The following LIMA1 variants were observed in gnomAD, a reference collection of about 807,000 sequenced individuals.
LIMA1 encodes LIM domain and actin-binding protein 1.
A neutral mutation model predicts 62.6 loss-of-function variants in LIMA1; 52 were observed. That is an observed-to-expected ratio of 0.83 (90% CI 0.67 to 1.05). The LOEUF (loss-of-function observed/expected upper bound fraction) is 1.05. LIMA1 is among the 50% of genes least tolerant of loss of function. The probability of loss-of-function intolerance (pLI) is 0.00; values close to 1 mark genes in which losing one functional copy is unlikely to be tolerated. For missense variants in LIMA1, 780 were observed against 902.2 expected (o/e 0.86, Z 1.74); for synonymous variants, 302 against 317.8 (o/e 0.95, Z 0.53).
Position 50,253,771 on chromosome 12 carries a change from A to G in LIMA1, c.-23-4997T>C, listed in dbSNP as rs540105935. The stretch of plus-strand genomic sequence containing the variant: ...GCCAGCATGGTGGCTCACGCCTGTA[A>G]TCCCAGCACTTTGGGAGGCTGAGGC... On this transcript the variant is annotated intron_variant, in intron 1 of 10. Coordinates refer to ENST00000341247, the MANE Select transcript of LIMA1 (RefSeq NM_016357.5). 2.6e-5 allele frequency among the ~76,000 whole-genome samples: 4 copies of G among 152,326 alleles called. No homozygotes were observed. The East Asian group carries it at 7.7e-4, about 29-fold the overall frequency.
At chr12:50,250,563 CAAAAAAA>C (rs754126420) in intron 1 of LIMA1, among the ~76,000 whole-genome samples, 18 of 33,896 alleles carry the variant, frequency 5.3e-4, no homozygotes, top group Admixed American at 2.8e-4. Context: ...AAGATGTTCT[CAAAAAAA>C]AAAAAAAAAA....
chr12:50,243,149 A>C (rs899614199), intron 2 of LIMA1, among the ~76,000 whole-genome samples: 1 of 152,224 alleles, frequency 6.6e-6, no homozygotes, highest in Non-Finnish European at 1.5e-5. Context: ...TGCAGCTATA[A>C]AGGACCATGG....
intron 1 of LIMA1, among the ~76,000 whole-genome samples, chr12:50,260,419 G>A (rs1483294954): frequency 6.6e-6 from 1 of 152,170 alleles, no homozygotes; most frequent in African/African-American, 2.4e-5. Flanking sequence ...AAAGTGCTGG[G>A]ATTAGAGGCG....
chr12:50,261,449 C>G (rs1164518887), intron 1 of LIMA1, among the ~76,000 whole-genome samples: 1 of 152,088 alleles, frequency 6.6e-6, no homozygotes, highest in Non-Finnish European at 1.5e-5. Flanking sequence ...TTTAGGTATG[C>G]TCAAGTTATT....
chr12:50,201,025 A>T, intron 6 of LIMA1, 141 bp from the exon 7 acceptor site: 1 of 1,435,248 alleles, frequency 7.0e-7, no homozygotes. Context: ...TAACTCTCAC[A>T]AGCAAAACCC....
At chr12:50,204,772 TGCAGTG>T in intron 5 of LIMA1, 72 bp from the exon 6 acceptor site, 2 of 1,460,780 alleles carry the variant, frequency 1.4e-6, no homozygotes, top group Non-Finnish European at 1.9e-6. Flanking sequence ...CAGGCTGAAG[TGCAGTG>T]GCACGATCAT....
intron 3 of LIMA1, 38 bp downstream of exon 3, chr12:50,231,627 A>G: frequency 6.2e-7 from 1 of 1,605,882 alleles, no homozygotes. Context: ...AATTCTGCTC[A>G]AGAAGTGCCA....
At chr12:50,194,440 G>A (rs935723827) in intron 8 of LIMA1, among the ~76,000 whole-genome samples, 4 of 151,952 alleles carry the variant, frequency 2.6e-5, no homozygotes, top group Admixed American at 2.6e-4. Context: ...GGGATTACAG[G>A]CGCCCACCAC....
intron 3 of LIMA1, among the ~76,000 whole-genome samples, chr12:50,230,460 T>C (rs1941593299): frequency 6.6e-6 from 1 of 151,354 alleles, no homozygotes; most frequent in Non-Finnish European, 1.5e-5. Context: ...TGGATGACAG[T>C]GAAGGGAAGG....
intron 4 of LIMA1, among the ~76,000 whole-genome samples, chr12:50,221,020 T>C (rs928532252): frequency 3.9e-5 from 6 of 152,210 alleles, no homozygotes; most frequent in East Asian, 3.8e-4. Flanking sequence ...TGGGAAGGGA[T>C]TGACAATATC....
chr12:50,241,930 CAG>C (rs1941780966), intron 2 of LIMA1, among the ~76,000 whole-genome samples: 2 of 102,276 alleles, frequency 2.0e-5, no homozygotes, highest in African/African-American at 7.0e-5. Flanking sequence ...CTTTCCTTCC[CAG>C]ATTTTTTTTT....
intron 10 of LIMA1, 123 bp downstream of exon 10, chr12:50,181,781 T>G: frequency 9.6e-7 from 1 of 1,042,192 alleles, no homozygotes; most frequent in Non-Finnish European, 1.4e-6. Flanking sequence ...GCTTTTTACT[T>G]TATTCAAGAG....
At chr12:50,264,040 T>G (rs1042750821) in intron 1 of LIMA1, among the ~76,000 whole-genome samples, 13 of 151,164 alleles carry the variant, frequency 8.6e-5, no homozygotes, top group Non-Finnish European at 5.9e-5. Flanking sequence ...CTATAAAGAG[T>G]AATGTAGTGC....
chr12:50,253,137 C>T (rs1941951526), intron 1 of LIMA1, among the ~76,000 whole-genome samples: 1 of 152,092 alleles, frequency 6.6e-6, no homozygotes, highest in African/African-American at 2.4e-5. Context: ...TTAACAGAGA[C>T]AGTAAATATA....
At chr12:50,282,787 T>C (rs898292387) in intron 1 of LIMA1, among the ~76,000 whole-genome samples, 12 of 152,318 alleles carry the variant, frequency 7.9e-5, no homozygotes, top group Middle Eastern at 3.4e-3. Flanking sequence ...TGCCAGATGG[T>C]TCGTTCCTAG....
At chr12:50,180,981 G>A (rs1055284134) in intron 10 of LIMA1, among the ~76,000 whole-genome samples, 4 of 151,552 alleles carry the variant, frequency 2.6e-5, no homozygotes, top group African/African-American at 7.3e-5. Flanking sequence ...GTGTGGTGGC[G>A]GGCGCCTGTA....
At chr12:50,250,955 T>C (rs1304076126) in intron 1 of LIMA1, among the ~76,000 whole-genome samples, 1 of 152,246 alleles carries the variant, frequency 6.6e-6, no homozygotes, top group Non-Finnish European at 1.5e-5. Flanking sequence ...TTTAGTGTTT[T>C]TAATGTTTTC....
At chr12:50,201,809 A>C (rs1409235626) in intron 6 of LIMA1, 1 of 152,388 alleles carries the variant, frequency 6.6e-6, no homozygotes, top group Admixed American at 6.6e-5. Flanking sequence ...GAGGCAGGAG[A>C]ATCGCTTGAA....
At position 50,263,741 on chromosome 12, in the gene LIMA1, A is replaced by G. The variant is rs1349857171; in HGVS notation, c.-23-14967T>C. Among the ~76,000 whole-genome samples, 5 of 150,916 alleles carry G rather than the reference A, an allele frequency of 3.3e-5. 1 individual carries two copies. The East Asian group carries it at 9.7e-4, about 29-fold the overall frequency. ...GAAAACAGTCTGGTGGTTCCTCAAA[A>G]GATTAAACACAGAGTTACCATGGGA... On this transcript the variant is annotated intron_variant, in intron 1 of 10. Coordinates refer to ENST00000341247, the MANE Select transcript of LIMA1 (RefSeq NM_016357.5).
Sources: allele counts gnomAD v4.1 joint callset (sites outside exome capture counted in the v4.1 genomes callset), GRCh38; gene constraint gnomAD v4.1.1; transcripts MANE v1.5; gene names NCBI Gene and HGNC (gene_info 2026-07-23, HGNC 2026-07-21).